LAYN: variants seen among roughly 807,000 people sequenced by gnomAD.
LAYN encodes the protein layilin.
Under a neutral mutation model 43.6 loss-of-function variants are expected in LAYN, and 38 were observed. The observed-to-expected ratio is 0.87, with a 90% CI of 0.67 to 1.14. The LOEUF (loss-of-function observed/expected upper bound fraction) is 1.14. Among genes scored for constraint, LAYN ranks in the 50% most tolerant of loss-of-function variants. The pLI is 0.00. For synonymous variants in LAYN, 168 were observed against 172.9 expected, an observed-to-expected ratio of 0.97 and a Z score of 0.22; for missense variants, 479 against 463.8, an observed-to-expected ratio of 1.03 and a Z score of -0.30.
intron 6 of LAYN, 64 bp downstream of exon 6, chr11:111,557,707 C>T (rs1867872368): frequency 7.5e-7 from 1 of 1,329,124 alleles, no homozygotes; most frequent in Non-Finnish European, 1.1e-6. Context: ...TTGGATATTG[C>T]CTTGTTTACT....
At chr11:111,554,475 A>G in intron 3 of LAYN, 86 bp from the exon 4 acceptor site, 3 of 1,014,432 alleles carry the variant, frequency 3.0e-6, no homozygotes, top group East Asian at 4.8e-5. Context: ...CAGCAAATAA[A>G]TGGATGCCAT....
intron 5 of LAYN, among the ~76,000 whole-genome samples, chr11:111,555,757 A>G (rs1007104427): frequency 3.9e-5 from 6 of 152,232 alleles, no homozygotes; most frequent in African/African-American, 1.2e-4. Flanking sequence ...ATGGATTTCA[A>G]ACTCACTCTT....
At chr11:111,557,704 T>C in intron 6 of LAYN, 61 bp downstream of exon 6, 1 of 1,348,672 alleles carries the variant, frequency 7.4e-7, no homozygotes. Flanking sequence ...GATTTGGATA[T>C]TGCCTTGTTT....
At chr11:111,551,251 G>T in intron 3 of LAYN, 3 of 442,756 alleles carry the variant, frequency 6.8e-6, no homozygotes, top group South Asian at 4.9e-5. Flanking sequence ...GCTGACGTGG[G>T]ATGGGGGCAT....
chr11:111,541,668 T>C, intron 1 of LAYN: 1 of 1,314,980 alleles, frequency 7.6e-7, no homozygotes, highest in Non-Finnish European at 1.1e-6. Context: ...CAGATCCTTT[T>C]TGCGGGTGCC....
chr11:111,552,738 T>C (rs1394807757), intron 3 of LAYN, among the ~76,000 whole-genome samples: 2 of 152,250 alleles, frequency 1.3e-5, no homozygotes, highest in African/African-American at 4.8e-5. Flanking sequence ...ACAGATCATG[T>C]TATTACGTAT....
At chr11:111,554,642 C>G (rs747883409) in intron 4 of LAYN, 49 bp downstream of exon 4, 12 of 1,501,144 alleles carry the variant, frequency 8.0e-6, no homozygotes, top group Non-Finnish European at 1.1e-5. Flanking sequence ...TTTCATAGCC[C>G]CTCTTCACAG....
rs1490095276 is a variant in LAYN, at chr11:111,540,944, G to C, written c.85+16G>C. 2.6e-5 allele frequency: 40 copies of C among 1,528,720 alleles called. No individual in the cohort carries two copies. The highest frequency in any genetic ancestry group is 3.3e-5 in the Non-Finnish European group (38 of 1,143,742). 94.7% of individuals were successfully genotyped at this position (1,528,720 alleles called of 1,614,324 possible). ...CTGCTGAGTGGTGAGTGCGCGCGCT[G>C]GGGCGGGGGCTGGTGCCGGGGTGGG... On this transcript the variant is annotated intron_variant, in intron 1 of 6. Coordinates refer to ENST00000375614, the MANE Select transcript of LAYN (RefSeq NM_178834.5).
rs1392915319 is a variant in LAYN, at chr11:111,561,647, A to G, written c.*1189A>G. 2.0e-5 allele frequency: 3 copies of G among 152,130 alleles called. No individual in the cohort carries two copies. The highest frequency in any genetic ancestry group is 4.4e-5 in the Non-Finnish European group (3 of 68,018). 9.4% of individuals were successfully genotyped at this position (152,130 alleles called of 1,614,324 possible). ...TTTAAATCACCAGCAATTTCCCTCA[A>G]TCAGCTTCATAATCTCATATTTTAA... On this transcript the variant is annotated 3_prime_UTR_variant, in exon 7 of 7. Coordinates refer to ENST00000375614, the MANE Select transcript of LAYN (RefSeq NM_178834.5).
intron 3 of LAYN, among the ~76,000 whole-genome samples, chr11:111,550,706 C>T (rs756875654): frequency 2.6e-4 from 40 of 152,122 alleles, no homozygotes; most frequent in Non-Finnish European, 4.7e-4. Flanking sequence ...TTGTCTCAGG[C>T]GGGGAGATTG....
chr11:111,549,696 C>G lies in LAYN; in HGVS notation c.462C>G (p.Gly154=), dbSNP rs138825674. The change falls in exon 3 of 7, where the codon GGC becomes GGG. Residue 154 remains glycine (G), a synonymous_variant. Transcript: ENST00000375614. ...ACCATCAGCCATCGGCACCCGCTGG[C>G]ATCGGAGGCCCCTACATGTTCCAGT... ...VMYHQPSAPA[G]IGGPYMFQWN... is the part of the protein sequence containing the mutation. 1 of 1,604,852 alleles carries G rather than the reference C, an allele frequency of 6.2e-7. No individual in the cohort carries two copies. Among genetic ancestry groups the G allele is most frequent in the South Asian group, 1.1e-5 (1 of 88,860 alleles).
chr11:111,546,636 G>A (rs1198998954), intron 2 of LAYN, among the ~76,000 whole-genome samples: 1 of 152,252 alleles, frequency 6.6e-6, no homozygotes, highest in Non-Finnish European at 1.5e-5. Flanking sequence ...TGTCATGGAA[G>A]TCTGCTTTAC....
intron 6 of LAYN, among the ~76,000 whole-genome samples, chr11:111,558,287 T>A (rs966468750): frequency 6.6e-6 from 1 of 152,180 alleles, no homozygotes; most frequent in Non-Finnish European, 1.5e-5. Flanking sequence ...ATGGAGAAGA[T>A]GTCTAGTATT....
chr11:111,540,513 C>T (rs1486718400), upstream of LAYN: 1 of 404,052 alleles, frequency 2.5e-6, no homozygotes, highest in East Asian at 4.9e-5. Context: ...CGGGCAAACG[C>T]GGGATCTCCC....
Position 111,540,817 on chromosome 11 carries a change from T to C in LAYN, c.-27T>C, listed in dbSNP as rs1199447982. 6.6e-7 allele frequency: 1 copy of C among 1,514,424 alleles called. No homozygotes were observed. The highest frequency in any genetic ancestry group is 8.8e-7 in the Non-Finnish European group (1 of 1,138,096). The allele number at this position is 1,514,424 out of a possible 1,614,324, so 93.8% of individuals were successfully genotyped here. A position where few individuals can be genotyped will look rare whatever the true frequency, so the allele number is the denominator to read the frequency against. ...CCGCTCCACCGCCGTAGCGCCCGAG[T>C]GTCGGGGGGCGCACCCGAGTCGGGC... On this transcript the variant is annotated 5_prime_UTR_variant, in exon 1 of 7. Transcript: ENST00000375614.
chr11:111,552,816 C>T (rs1177190999), intron 3 of LAYN, among the ~76,000 whole-genome samples: 1 of 152,154 alleles, frequency 6.6e-6, no homozygotes, highest in Non-Finnish European at 1.5e-5. Context: ...TATGGCTATC[C>T]TGTAGAATAT....
At chr11:111,558,777 T>TTAA (rs1555018585) in intron 6 of LAYN, among the ~76,000 whole-genome samples, 2 of 142,584 alleles carry the variant, frequency 1.4e-5, no homozygotes, top group African/African-American at 5.2e-5. Flanking sequence ...TTATTTTATT[T>TTAA]AAAAAAATAT....
In LAYN at chr11:111,541,331, C is replaced by T. The variant is rs567610785; in HGVS notation, c.85+403C>T. 12 of 608,034 alleles carry T rather than the reference C, an allele frequency of 2.0e-5. No individual in the cohort carries two copies. The Admixed American group carries it at 3.1e-4, about 16-fold the overall frequency. 37.7% of individuals were successfully genotyped at this position (608,034 alleles called of 1,614,324 possible). On this transcript the variant is annotated intron_variant, in intron 1 of 6. Transcript: ENST00000375614. ...CTTGCCAGCTGGCCCCCGCCTACCG[C>T]CCGCTCCGGGAGGCGGCCGCAGAGA...
At chr11:111,552,818 G>A (rs553557259) in intron 3 of LAYN, among the ~76,000 whole-genome samples, 43 of 152,240 alleles carry the variant, frequency 2.8e-4, no homozygotes, top group Non-Finnish European at 5.6e-4. Flanking sequence ...TGGCTATCCT[G>A]TAGAATATAA....
Sources: allele counts gnomAD v4.1 joint callset (sites outside exome capture counted in the v4.1 genomes callset), GRCh38; gene constraint gnomAD v4.1.1; transcripts MANE v1.5; gene names NCBI Gene and HGNC (gene_info 2026-07-23, HGNC 2026-07-21).